The following CDC42EP3 variants were observed in gnomAD, a reference collection of about 807,000 sequenced individuals.
CDC42EP3 encodes CDC42 effector protein (Rho GTPase binding) 3.
Under a neutral mutation model 15.5 loss-of-function variants are expected in CDC42EP3, and 4 were observed. That is an observed-to-expected ratio of 0.26 (90% CI 0.13 to 0.59). The LOEUF is 0.59. CDC42EP3 is among the 20% of genes least tolerant of loss of function. CDC42EP3 has a pLI of 0.89. For synonymous variants in CDC42EP3, 145 were observed against 130.3 expected, an observed-to-expected ratio of 1.11 and a Z score of -0.77; for missense variants, 309 against 311.2, an observed-to-expected ratio of 0.99 and a Z score of 0.05.
In CDC42EP3 at chr2:37,642,855, T is replaced by G. The variant is rs1665312149; in HGVS notation, c.*2968A>C. On this transcript the variant is annotated 3_prime_UTR_variant, in exon 2 of 2. Transcript: ENST00000295324. The stretch of plus-strand genomic sequence containing the variant: ...CTTTGCTGTTCAACCAGTGTAGTCT[T>G]TTGTGTGTGCTGTTAACAGTGATTT... 6.6e-6 allele frequency: 1 copy of G among 152,154 alleles called. No homozygotes were observed. 9.4% of individuals were successfully genotyped at this position (152,154 alleles called of 1,614,324 possible).
In CDC42EP3 at chr2:37,643,751, C is replaced by T. The variant is rs1665344679; in HGVS notation, c.*2072G>A. On this transcript the variant is annotated 3_prime_UTR_variant, in exon 2 of 2. Transcript: ENST00000295324. Reference sequence around the variant, plus strand: ...GCTACAAATAATGAGATACATTGGACTCTTCGTCATTAACAAGATTTAGAA... The same window carrying T: ...GCTACAAATAATGAGATACATTGGATTCTTCGTCATTAACAAGATTTAGAA... The T allele has an allele frequency of 6.6e-6, 1 of 152,192 alleles. No individual in the cohort carries two copies. Among genetic ancestry groups the T allele is most frequent in the Admixed American group, 6.5e-5 (1 of 15,276 alleles). 9.4% of individuals were successfully genotyped at this position (152,192 alleles called of 1,614,324 possible).
intron 1 of CDC42EP3, among the ~76,000 whole-genome samples, chr2:37,664,327 G>A (rs368522344): frequency 6.6e-6 from 1 of 152,188 alleles, no homozygotes; most frequent in African/African-American, 2.4e-5. Context: ...ACTTACACCA[G>A]TGGTTTGCCA....
chr2:37,648,321 G>A (rs780445971), intron 1 of CDC42EP3, among the ~76,000 whole-genome samples: 10 of 152,344 alleles, frequency 6.6e-5, no homozygotes, highest in East Asian at 5.8e-4. Flanking sequence ...GGCTGGGTGG[G>A]TTAGTTGGTG....
chr2:37,671,162 T>C (rs577407096), intron 1 of CDC42EP3, among the ~76,000 whole-genome samples: 1 of 152,224 alleles, frequency 6.6e-6, no homozygotes, highest in Admixed American at 6.5e-5. Context: ...GGGTGCAATG[T>C]GGCCGCGCAG....
At position 37,662,835 on chromosome 2, in the gene CDC42EP3, C is replaced by T. The variant is rs547732721; in HGVS notation, c.-236+8591G>A. Among the ~76,000 whole-genome samples, 14 of 152,332 alleles carry T rather than the reference C, an allele frequency of 9.2e-5. No homozygotes were observed. In the East Asian group the frequency reaches 2.7e-3, roughly 29 times the overall value. On this transcript the variant is annotated intron_variant, in intron 1 of 1. Transcript: ENST00000295324. ...GACATGCACAGAGTGAGCCATGTGC[C>T]TCTCGCCAGTTCAACCCATGGGAAG...
chr2:37,649,566 G>C (rs1665598370), intron 1 of CDC42EP3, among the ~76,000 whole-genome samples: 1 of 151,784 alleles, frequency 6.6e-6, no homozygotes, highest in South Asian at 2.1e-4. Flanking sequence ...ACAAGGATTT[G>C]GGACAGTGAG....
At chr2:37,648,638 A>G (rs1048399443) in intron 1 of CDC42EP3, among the ~76,000 whole-genome samples, 5 of 152,252 alleles carry the variant, frequency 3.3e-5, no homozygotes, top group Non-Finnish European at 7.3e-5. Flanking sequence ...GCATTCATGC[A>G]GAGTGGGCTG....
intron 1 of CDC42EP3, among the ~76,000 whole-genome samples, chr2:37,656,580 T>C (rs1665853714): frequency 6.6e-6 from 1 of 152,224 alleles, no homozygotes; most frequent in Non-Finnish European, 1.5e-5. Flanking sequence ...CAGGCAGGCA[T>C]GTAATGCTCA....
In CDC42EP3 at chr2:37,643,693, T is replaced by C. The variant is rs1558334096; in HGVS notation, c.*2130A>G. 1 of 152,028 alleles carries C rather than the reference T, an allele frequency of 6.6e-6. No homozygotes were observed. The highest frequency in any genetic ancestry group is 1.5e-5 in the Non-Finnish European group (1 of 67,986). 9.4% of individuals were successfully genotyped at this position (152,028 alleles called of 1,614,324 possible). A position where few individuals can be genotyped will look rare whatever the true frequency, so the allele number is the denominator to read the frequency against. On this transcript the variant is annotated 3_prime_UTR_variant, in exon 2 of 2. Coordinates refer to ENST00000295324, the MANE Select transcript of CDC42EP3 (RefSeq NM_006449.5). ...TGAATATGATCAATACTAATTAAAA[T>C]GGGGGGGAGGTATTGAAAAGAGTCT...
At chr2:37,649,603 T>C (rs2159725) in intron 1 of CDC42EP3, among the ~76,000 whole-genome samples, 146,626 of 151,918 alleles carry the variant, frequency 0.97, 70,822 homozygotes, top group East Asian at 1. Flanking sequence ...GGAGAAAGTG[T>C]GTGCTGCTGA....
rs756771761 is a variant in CDC42EP3 at position 37,646,396 on chromosome 2, C to T, written c.192G>A (p.Glu64=). ...CTTTCTCCTGGTTTCCAGGTAAAAG[C>T]TCGTAGTTCCCTTGAAGAAAGGAAA... The part of the protein sequence containing the change: ...GDISFLQGNY[E]LLPGNQEKAH... Residue 64 remains glutamate (E), a synonymous_variant, in exon 2 of 2, where the codon GAG becomes GAA. Coordinates refer to ENST00000295324, the MANE Select transcript of CDC42EP3 (RefSeq NM_006449.5). 13 of 1,613,900 alleles carry T rather than the reference C, an allele frequency of 8.1e-6. No individual in the cohort carries two copies. The highest frequency in any genetic ancestry group is 1.1e-5 in the South Asian group (1 of 91,074).
upstream of CDC42EP3, chr2:37,671,663 C>G (rs1449357457): frequency 6.6e-6 from 1 of 151,268 alleles, no homozygotes; most frequent in Non-Finnish European, 1.5e-5. Flanking sequence ...CGGCCGGACG[C>G]GAGGACTGAA....
chr2:37,646,594 A>T lies in CDC42EP3; in HGVS notation c.-7T>A, dbSNP rs771966952. On this transcript the variant is annotated 5_prime_UTR_variant, in exon 2 of 2. Coordinates refer to ENST00000295324, the MANE Select transcript of CDC42EP3 (RefSeq NM_006449.5). ...TTGGGGTCTTGGCTGGCATTTTGGAATTTGAGAATGTCTATTTTGCAAGCG... is the reference window on the plus strand; with the variant it reads ...TTGGGGTCTTGGCTGGCATTTTGGATTTTGAGAATGTCTATTTTGCAAGCG... 2 of 1,528,092 alleles carry T rather than the reference A, an allele frequency of 1.3e-6. No homozygotes were observed. Among genetic ancestry groups the T allele is most frequent in the Non-Finnish European group, 1.8e-6 (2 of 1,142,198 alleles). The allele number at this position is 1,528,092 out of a possible 1,614,324, so 94.7% of individuals were successfully genotyped here.
At position 37,646,677 on chromosome 2, in the gene CDC42EP3, A is replaced by C; in HGVS notation, c.-90T>G. The C allele has an allele frequency of 8.1e-7, 1 of 1,234,952 alleles. No individual in the cohort carries two copies. The highest frequency in any genetic ancestry group is 2.4e-5 in the East Asian group (1 of 41,716). The allele number at this position is 1,234,952 out of a possible 1,614,324, so 76.5% of individuals were successfully genotyped here. ...ATGTTTCTGAATCCTTTTTGATAGG[A>C]ACTGTCACATCATTTTTCTCAAGTG... On this transcript the variant is annotated 5_prime_UTR_variant, in exon 2 of 2. Coordinates refer to ENST00000295324, the MANE Select transcript of CDC42EP3 (RefSeq NM_006449.5).
chr2:37,672,390 A>G (rs939316863), upstream of CDC42EP3: 10 of 152,274 alleles, frequency 6.6e-5, no homozygotes, highest in Non-Finnish European at 1.5e-4. Flanking sequence ...GGGTCTTTCA[A>G]AAGGATTTGC....
At position 37,665,498 on chromosome 2, in the gene CDC42EP3, A is replaced by T. The variant is rs573197408; in HGVS notation, c.-236+5928T>A. Among the ~76,000 whole-genome samples, 17 of 152,340 alleles carry T rather than the reference A, an allele frequency of 1.1e-4. No homozygotes were observed. The South Asian group carries it at 3.5e-3, about 32-fold the overall frequency. On this transcript the variant is annotated intron_variant, in intron 1 of 1. Transcript: ENST00000295324. ...AAATAAATAAAAAGGTTGAGAAATC[A>T]AACACATTCTGAATGGCAAAGCCAC...
intron 1 of CDC42EP3, among the ~76,000 whole-genome samples, chr2:37,657,785 T>C (rs1324470674): frequency 1.3e-5 from 2 of 152,176 alleles, no homozygotes; most frequent in Non-Finnish European, 2.9e-5. Context: ...TCTGGGAATA[T>C]TGTGGGTTTT....
At chr2:37,665,247 G>T (rs1666214497) in intron 1 of CDC42EP3, among the ~76,000 whole-genome samples, 1 of 152,136 alleles carries the variant, frequency 6.6e-6, no homozygotes, top group Non-Finnish European at 1.5e-5. Context: ...TTAGGGCCAG[G>T]AGAGGGCCTG....
intron 1 of CDC42EP3, among the ~76,000 whole-genome samples, chr2:37,655,766 T>C (rs1457329451): frequency 2.0e-5 from 3 of 152,222 alleles, no homozygotes; most frequent in African/African-American, 7.2e-5. Context: ...AAGGACAATA[T>C]CAATACAGGA....
Sources: gnomAD v4.1 joint callset for allele counts (sites outside exome capture counted in the v4.1 genomes callset) on GRCh38, gnomAD v4.1.1 for gene constraint, MANE v1.5 for transcripts, NCBI Gene and HGNC (gene_info 2026-07-23, HGNC 2026-07-21) for gene names.